Variants in RPRD2 observed in about 807,000 individuals in gnomAD.
The protein encoded by RPRD2 is regulation of nuclear pre-mRNA domain containing 2.
Under a neutral mutation model 104.4 loss-of-function variants are expected in RPRD2, and 12 were observed. The observed-to-expected ratio is 0.11, with a 90% confidence interval of 0.07 to 0.19. The LOEUF is 0.19. Among genes scored for constraint, RPRD2 ranks in the 10% least tolerant of loss-of-function variants. The pLI, the probability that RPRD2 is intolerant of heterozygous loss-of-function variation, is 1.00. For synonymous variants in RPRD2, 714 were observed against 684.9 expected (o/e 1.04, Z -0.66); for missense variants, 1,543 against 1,790.1 (o/e 0.86, Z 2.49).
intron 2 of RPRD2, among the ~76,000 whole-genome samples, chr1:150,429,035 A>G (rs1330037653): frequency 6.6e-6 from 1 of 151,608 alleles, no homozygotes; most frequent in African/African-American, 2.4e-5. Context: ...GTAACTAAGC[A>G]TGTTACATGG....
chr1:150,460,041 C>T lies in RPRD2; in HGVS notation c.1154-19C>T. The T allele has an allele frequency of 6.2e-7, 1 of 1,609,978 alleles. No homozygotes were observed. The highest frequency in any genetic ancestry group is 8.5e-7 in the Non-Finnish European group (1 of 1,177,414). On this transcript the variant is annotated intron_variant, in intron 8 of 10. Transcript: ENST00000369068. ...TGGAAAGTAGTAGGATGTAATATCTCTTTTCTTTGTTGAAACAGTCGAGGA... is the reference window on the plus strand; with the variant it reads ...TGGAAAGTAGTAGGATGTAATATCTTTTTTCTTTGTTGAAACAGTCGAGGA...
At chr1:150,434,219 G>T (rs587652674) in intron 2 of RPRD2, among the ~76,000 whole-genome samples, 2 of 152,112 alleles carry the variant, frequency 1.3e-5, no homozygotes, top group African/African-American at 2.4e-5. Context: ...GCTGGGCATG[G>T]TGGTGTATGC....
At chr1:150,427,669 C>T (rs1290998101) in intron 2 of RPRD2, among the ~76,000 whole-genome samples, 6 of 151,774 alleles carry the variant, frequency 4.0e-5, no homozygotes, top group African/African-American at 1.2e-4. Flanking sequence ...TATGGTGGCG[C>T]GTGCCTGTGT....
chr1:150,378,227 G>C (rs1205329150), intron 1 of RPRD2, among the ~76,000 whole-genome samples: 1 of 152,118 alleles, frequency 6.6e-6, no homozygotes, highest in African/African-American at 2.4e-5. Flanking sequence ...CAATTCATTA[G>C]TTAATGTATT....
At chr1:150,397,978 T>G (rs1553884526) in intron 1 of RPRD2, among the ~76,000 whole-genome samples, 1 of 151,392 alleles carries the variant, frequency 6.6e-6, no homozygotes, top group Non-Finnish European at 1.5e-5. Flanking sequence ...CTTAACAGCA[T>G]CTTTAATTGT....
chr1:150,372,667 A>G (rs912454351), intron 1 of RPRD2, among the ~76,000 whole-genome samples: 14 of 152,158 alleles, frequency 9.2e-5, no homozygotes, highest in African/African-American at 3.4e-4. Flanking sequence ...ATTAAATGGT[A>G]AGGGAAGGCC....
chr1:150,383,181 G>C (rs1661269842), intron 1 of RPRD2, among the ~76,000 whole-genome samples: 1 of 151,690 alleles, frequency 6.6e-6, no homozygotes, highest in East Asian at 1.9e-4. Context: ...TTTTTGTAGA[G>C]ATGATGTCTT....
chr1:150,368,211 T>G (rs1193574715), intron 1 of RPRD2, among the ~76,000 whole-genome samples: 5 of 143,756 alleles, frequency 3.5e-5, no homozygotes, highest in African/African-American at 1.3e-4. Context: ...TCTTGTTTTT[T>G]TTTTTTTTTT....
At chr1:150,441,659 T>C (rs1666412282) in intron 3 of RPRD2, 7 of 422,838 alleles carry the variant, frequency 1.7e-5, no homozygotes, top group Non-Finnish European at 3.0e-5. Flanking sequence ...CCCTATTCTT[T>C]TCAGAATTGG....
intron 2 of RPRD2, among the ~76,000 whole-genome samples, chr1:150,429,883 T>G (rs1371645165): frequency 6.6e-6 from 1 of 152,246 alleles, no homozygotes; most frequent in African/African-American, 2.4e-5. Context: ...AAACAGTGGA[T>G]GTATTAGAAT....
At position 150,414,755 on chromosome 1, in the gene RPRD2, A is replaced by G. The variant is rs188277348; in HGVS notation, c.206-2841A>G. 3.5e-3 allele frequency among the ~76,000 whole-genome samples: 536 copies of G among 152,324 alleles called. 3 individuals carry two copies. The highest frequency in any genetic ancestry group is 5.0e-3 in the South Asian group (24 of 4,822). ...GTGAACTGTTCGCAACATAAATGAG[A>G]TAACAATTTATAAAAAGCTCTTAGC... On this transcript the variant is annotated intron_variant, in intron 1 of 10. Transcript: ENST00000369068.
At chr1:150,395,134 G>A (rs1553883915) in intron 1 of RPRD2, among the ~76,000 whole-genome samples, 1 of 151,916 alleles carries the variant, frequency 6.6e-6, no homozygotes, top group African/African-American at 2.4e-5. Context: ...CCAATTTGTG[G>A]TCTTTTATCC....
At chr1:150,397,405 A>C (rs1470976229) in intron 1 of RPRD2, among the ~76,000 whole-genome samples, 1 of 152,168 alleles carries the variant, frequency 6.6e-6, no homozygotes, top group East Asian at 1.9e-4. Context: ...ATTTTGATGA[A>C]TTTATAATTG....
chr1:150,371,999 A>G (rs1300220210), intron 1 of RPRD2, among the ~76,000 whole-genome samples: 1 of 152,234 alleles, frequency 6.6e-6, no homozygotes, highest in Non-Finnish European at 1.5e-5. Context: ...TTAATTAAAA[A>G]AAGGGAAAAA....
chr1:150,442,019 G>A, intron 4 of RPRD2, 61 bp downstream of exon 4: 1 of 1,315,074 alleles, frequency 7.6e-7, no homozygotes, highest in Admixed American at 2.0e-5. Context: ...AGAAGAAAAT[G>A]TAGACCATTT....
chr1:150,446,123 G>T, intron 6 of RPRD2, 103 bp from the exon 7 acceptor site: 1 of 753,492 alleles, frequency 1.3e-6, no homozygotes, highest in Admixed American at 3.1e-5. Context: ...CAGTAAGGCA[G>T]CAAGAGTATG....
intron 2 of RPRD2, among the ~76,000 whole-genome samples, chr1:150,422,340 A>AAATAATAAT (rs145145770): frequency 0.049 from 6,256 of 128,266 alleles, 435 homozygotes; most frequent in African/African-American, 0.15. Context: ...CTCTGTCTCA[A>AAATAATAAT]AATAATAATA....
At chr1:150,366,177 A>G (rs1191709884) in intron 1 of RPRD2, among the ~76,000 whole-genome samples, 1 of 152,250 alleles carries the variant, frequency 6.6e-6, no homozygotes, top group African/African-American at 2.4e-5. Flanking sequence ...ATATACATCT[A>G]TTAGAATTTT....
chr1:150,385,883 T>G (rs1257291338), intron 1 of RPRD2, among the ~76,000 whole-genome samples: 1 of 152,172 alleles, frequency 6.6e-6, no homozygotes, highest in Non-Finnish European at 1.5e-5. Context: ...AGGGCTTTTT[T>G]CCCCCTTGGG....
Sources: allele counts gnomAD v4.1 joint callset (sites outside exome capture counted in the v4.1 genomes callset), GRCh38; gene constraint gnomAD v4.1.1; transcripts MANE v1.5; gene names NCBI Gene and HGNC (gene_info 2026-07-23, HGNC 2026-07-21).